Variants in SLC7A6 observed in about 807,000 individuals in gnomAD.
The protein encoded by SLC7A6 is Y+L amino acid transporter 2.
A neutral mutation model predicts 46.6 loss-of-function variants in SLC7A6; 29 were observed. That is an observed-to-expected ratio of 0.62 (90% CI 0.46 to 0.85). SLC7A6 has a LOEUF of 0.85. Among genes scored for constraint, SLC7A6 ranks in the 40% least tolerant of loss-of-function variants. The pLI, the probability that SLC7A6 is intolerant of heterozygous loss-of-function variation, is 0.00. For synonymous variants in SLC7A6, 276 were observed against 257.3 expected (o/e 1.07, Z -0.70); for missense variants, 527 against 647.6 (o/e 0.81, Z 2.02).
At chr16:68,272,082 C>T (rs757951366) in intron 2 of SLC7A6, among the ~76,000 whole-genome samples, 5 of 152,120 alleles carry the variant, frequency 3.3e-5, no homozygotes, top group Non-Finnish European at 7.4e-5. Context: ...GGATTACAGG[C>T]GTGAGCCACT....
intron 7 of SLC7A6, among the ~76,000 whole-genome samples, chr16:68,293,356 G>A (rs962897529): frequency 1.3e-5 from 2 of 152,156 alleles, no homozygotes; most frequent in Non-Finnish European, 2.9e-5. Context: ...CCCAGGAGGC[G>A]GAGGTTGCAG....
At position 68,299,562 on chromosome 16, in the gene SLC7A6, GT is replaced by G. The variant is rs2043233411; in HGVS notation, c.*2235del. 2.0e-5 allele frequency: 3 copies of G among 152,234 alleles called. No homozygotes were observed. The highest frequency in any genetic ancestry group is 1.3e-4 in the Admixed American group (2 of 15,266). The allele number at this position is 152,234 out of a possible 1,614,324, so 9.4% of individuals were successfully genotyped here. ...TCTGTCTCCTTAAATCCTTTTCCTG[GT>G]GTGCTTATTATCCCTTTTGCAGTGA... On this transcript the variant is annotated 3_prime_UTR_variant, in exon 11 of 11. Coordinates refer to ENST00000219343, the MANE Select transcript of SLC7A6 (RefSeq NM_003983.6).
At chr16:68,266,283 G>C (rs1245464897) in intron 1 of SLC7A6, among the ~76,000 whole-genome samples, 1 of 151,892 alleles carries the variant, frequency 6.6e-6, no homozygotes, top group East Asian at 1.9e-4. Flanking sequence ...AAAAAGTTAT[G>C]TAAACGGTGC....
chr16:68,282,853 T>C (rs1472121820), intron 3 of SLC7A6, among the ~76,000 whole-genome samples: 2 of 152,150 alleles, frequency 1.3e-5, no homozygotes, highest in Admixed American at 6.6e-5. Flanking sequence ...CCCTTGACCT[T>C]GTGATTTGCC....
At chr16:68,296,936 G>A (rs1167890395) in intron 10 of SLC7A6, 126 bp downstream of exon 10, 4 of 988,568 alleles carry the variant, frequency 4.0e-6, no homozygotes, top group African/African-American at 1.6e-5. Context: ...AGCTGTCCAC[G>A]ACTTCCCTTT....
At chr16:68,268,043 T>C (rs2042565448) in intron 2 of SLC7A6, among the ~76,000 whole-genome samples, 1 of 152,336 alleles carries the variant, frequency 6.6e-6, no homozygotes, top group East Asian at 1.9e-4. Context: ...TCTGCAAACC[T>C]CTTCATCTGT....
chr16:68,275,371 G>A (rs776290930), intron 3 of SLC7A6, 122 bp downstream of exon 3: 39 of 1,250,668 alleles, frequency 3.1e-5, no homozygotes, highest in African/African-American at 4.5e-5. Flanking sequence ...TGAGGCGGGC[G>A]GATCACCTGA....
intron 3 of SLC7A6, 23 bp downstream of exon 3, chr16:68,275,272 A>C: frequency 8.4e-7 from 1 of 1,194,896 alleles, no homozygotes; most frequent in Non-Finnish European, 1.2e-6. Context: ...TGAGATTGGG[A>C]GGATGTTGGG....
chr16:68,296,545 G>T, intron 9 of SLC7A6, 32 bp downstream of exon 9: 2 of 1,614,030 alleles, frequency 1.2e-6, no homozygotes, highest in Non-Finnish European at 1.7e-6. Context: ...AGGAGGGGTG[G>T]GCCATCTCCC....
At position 68,298,825 on chromosome 16, in the gene SLC7A6, C is replaced by T. The variant is rs1022975100; in HGVS notation, c.*1497C>T. ...GGATTGTACAACTGTTTTGTGATGC[C>T]CCCAGACACTGTCATCCTGGGCCGA... On this transcript the variant is annotated 3_prime_UTR_variant, in exon 11 of 11. Coordinates refer to ENST00000219343, the MANE Select transcript of SLC7A6 (RefSeq NM_003983.6). 1 of 152,446 alleles carries T rather than the reference C, an allele frequency of 6.6e-6. No homozygotes were observed. The highest frequency in any genetic ancestry group is 2.4e-5 in the African/African-American group (1 of 41,406). 9.4% of individuals were successfully genotyped at this position (152,446 alleles called of 1,614,324 possible). A position where few individuals can be genotyped will look rare whatever the true frequency, so the allele number is the denominator to read the frequency against.
chr16:68,289,751 G>A (rs55757091), intron 4 of SLC7A6, among the ~76,000 whole-genome samples: 33,163 of 151,962 alleles, frequency 0.22, 4,323 homozygotes, highest in African/African-American at 0.36. Flanking sequence ...CTGGCTCCCC[G>A]GAGGGTGGGG....
In SLC7A6 at chr16:68,294,787, G is replaced by C. The variant is rs770527629; in HGVS notation, c.1105G>C (p.Ala369Pro). ...IHIERFTPIP[A>P]LLFNCTMALI... Reference sequence around the variant, plus strand: ...CATTGAGCGTTTTACACCTATCCCTGCTTTACTGTTCAATGTAAGCTTTGC... The same window carrying C: ...CATTGAGCGTTTTACACCTATCCCTCCTTTACTGTTCAATGTAAGCTTTGC... The change falls in exon 8 of 11, where the codon GCT (alanine) becomes CCT (proline). Residue 369 changes from alanine (A) to proline (P), a missense_variant. Transcript: ENST00000219343. 1.7e-5 allele frequency: 27 copies of C among 1,613,356 alleles called. 1 individual carries two copies. Among genetic ancestry groups the C allele is most frequent in the Admixed American group, 3.3e-5 (2 of 59,996 alleles).
chr16:68,264,973 A>G lies in SLC7A6; in HGVS notation c.-166+397A>G, dbSNP rs1490998977. 6.6e-6 allele frequency among the ~76,000 whole-genome samples: 1 copy of G among 152,142 alleles called. No individual in the cohort carries two copies. Among genetic ancestry groups the G allele is most frequent in the Non-Finnish European group, 1.5e-5 (1 of 68,002 alleles). On this transcript the variant is annotated intron_variant, in intron 1 of 10. Coordinates refer to ENST00000219343, the MANE Select transcript of SLC7A6 (RefSeq NM_003983.6). The surrounding 1 kb of genome is among the most constrained non-coding windows in gnomAD (Gnocchi z 5.8). ...GTGCGCGGGCCGCGCCGCGAGCGTG[A>G]GACTGTGCGACGGTGACCCTGAGTG...
At chr16:68,269,113 C>A (rs2042582517) in intron 2 of SLC7A6, among the ~76,000 whole-genome samples, 1 of 152,132 alleles carries the variant, frequency 6.6e-6, no homozygotes, top group Non-Finnish European at 1.5e-5. Flanking sequence ...CCATTTTGAC[C>A]CTTTTGGTTT....
intron 7 of SLC7A6, 195 bp downstream of exon 7, chr16:68,291,856 G>C: frequency 1.8e-6 from 1 of 564,826 alleles, no homozygotes; most frequent in South Asian, 2.3e-5. Context: ...TATGCTGGTA[G>C]CTCATGTTTC....
In SLC7A6 at chr16:68,297,370, CA is replaced by C; in HGVS notation, c.*43del. On this transcript the variant is annotated 3_prime_UTR_variant, in exon 11 of 11. Transcript: ENST00000219343. ...TCTGAGGCCTGGAAGGCAGGCCAAC[CA>C]GCAAAATCCTGATAACAAGACTCTG... The C allele has an allele frequency of 6.5e-7, 1 of 1,536,174 alleles. No individual in the cohort carries two copies. Among genetic ancestry groups the C allele is most frequent in the East Asian group, 2.2e-5 (1 of 44,478 alleles).
Position 68,291,264 on chromosome 16 carries a change from C to T in SLC7A6, c.850C>T (p.Leu284=), listed in dbSNP as rs1337710771. ...GCCAATTGTGACGCTCATCTACATC[C>T]TGACCAATGTGGCCTATTACACAGT... ...SMPIVTLIYI[L]TNVAYYTVLN... is the part of the protein sequence containing the mutation. The change falls in exon 6 of 11, where the codon CTG becomes TTG. Residue 284 remains leucine, a synonymous_variant. Transcript: ENST00000219343. 1 of 1,614,248 alleles carries T rather than the reference C, an allele frequency of 6.2e-7. No individual in the cohort carries two copies. The highest frequency in any genetic ancestry group is 1.1e-5 in the South Asian group (1 of 91,082).
chr16:68,275,116 C>T lies in SLC7A6; in HGVS notation c.390C>T (p.Val130=), dbSNP rs776358772. The part of the protein sequence containing the change: ...GGFIAFIRLW[V]SLLVVEPTGQ... ...TCATTGCCTTCATCCGCCTGTGGGT[C>T]TCACTGCTAGTTGTTGAGCCCACCG... Residue 130 remains valine, a synonymous_variant, in exon 3 of 11, where the codon GTC becomes GTT. Transcript: ENST00000219343. The T allele has an allele frequency of 5.0e-6, 8 of 1,614,072 alleles. No homozygotes were observed. The highest frequency in any genetic ancestry group is 1.3e-5 in the African/African-American group (1 of 74,912).
At position 68,300,938 on chromosome 16, in the gene SLC7A6, C is replaced by G. The variant is rs556504705; in HGVS notation, c.*3610C>G. The G allele has an allele frequency of 2.0e-6, 2 of 1,008,026 alleles. No individual in the cohort carries two copies. Among genetic ancestry groups the G allele is most frequent in the Non-Finnish European group, 2.4e-6 (2 of 844,982 alleles). 62.4% of individuals were successfully genotyped at this position (1,008,026 alleles called of 1,614,324 possible). A position where few individuals can be genotyped will look rare whatever the true frequency, so the allele number is the denominator to read the frequency against. On this transcript the variant is annotated 3_prime_UTR_variant, in exon 11 of 11. Transcript: ENST00000219343. ...CTGCTAATGAAATGGGAACCTCCCC[C>G]TCCCTTGTGGTTTCAGCACAGAACC...
Sources: allele counts gnomAD v4.1 joint callset (sites outside exome capture counted in the v4.1 genomes callset), GRCh38; gene constraint gnomAD v4.1.1; non-coding constraint Gnocchi (gnomAD v3.1); transcripts MANE v1.5; gene names NCBI Gene and HGNC (gene_info 2026-07-23, HGNC 2026-07-21).